KAZN: variants seen among roughly 807,000 people sequenced by gnomAD.
KAZN encodes the protein kazrin, periplakin interacting protein, also known as kazrin.
A neutral mutation model predicts 87.4 loss-of-function variants in KAZN; 40 were observed. The ratio of observed to expected loss-of-function variants is 0.46; its 90% CI spans 0.36 to 0.60. The LOEUF (loss-of-function observed/expected upper bound fraction) is 0.60. KAZN is among the 20% of genes least tolerant of loss of function. The pLI is 0.00. For missense variants in KAZN, 898 were observed against 1,073.9 expected (o/e 0.84, Z 2.29); for synonymous variants, 466 against 458.3 (o/e 1.02, Z -0.22).
intron 1 of KAZN, among the ~76,000 whole-genome samples, chr1:14,681,542 AT>A (rs112193489): frequency 0.012 from 1,593 of 136,634 alleles, 36 homozygotes; most frequent in African/African-American, 0.041. Context: ...CAGTTGCTAC[AT>A]TTTTTTTAAT....
intron 2 of KAZN, among the ~76,000 whole-genome samples, chr1:14,430,212 CCAAAA>C (rs1665970030): frequency 8.1e-6 from 1 of 124,018 alleles, no homozygotes. Flanking sequence ...TGCCCTGCAA[CCAAAA>C]AAAAAAAAAA....
chr1:14,671,363 G>C (rs1041430112), intron 1 of KAZN, among the ~76,000 whole-genome samples: 5 of 152,238 alleles, frequency 3.3e-5, no homozygotes, highest in Admixed American at 1.3e-4. Context: ...TCAGTAAATA[G>C]TAAATGAATG....
At chr1:14,274,427 T>C (rs187508994) in intron 2 of KAZN, among the ~76,000 whole-genome samples, 8 of 152,332 alleles carry the variant, frequency 5.3e-5, no homozygotes, top group Admixed American at 5.2e-4. Flanking sequence ...TCATGAGTTC[T>C]GTTGTTCCCC....
intron 1 of KAZN, among the ~76,000 whole-genome samples, chr1:14,046,399 T>G (rs2101432401): frequency 6.7e-6 from 1 of 149,040 alleles, no homozygotes; most frequent in East Asian, 2.0e-4. Flanking sequence ...TACATACATA[T>G]ATATATAAAT....
chr1:13,921,724 C>T (rs1640075183), intron 1 of KAZN, among the ~76,000 whole-genome samples: 1 of 152,068 alleles, frequency 6.6e-6, no homozygotes, highest in Non-Finnish European at 1.5e-5. Context: ...CTCCCGGGTT[C>T]ATGCCATTCT....
chr1:14,563,829 T>A (rs1490528179), intron 2 of KAZN, among the ~76,000 whole-genome samples: 2 of 151,390 alleles, frequency 1.3e-5, no homozygotes, highest in African/African-American at 4.8e-5. Context: ...GCTACCAACA[T>A]GAGGCCTTTG....
At chr1:14,535,250 C>G (rs559844518) in intron 2 of KAZN, among the ~76,000 whole-genome samples, 2 of 152,336 alleles carry the variant, frequency 1.3e-5, no homozygotes, top group South Asian at 4.1e-4. Flanking sequence ...CAACCCTGAG[C>G]CACCCCTATG....
chr1:15,066,470 G>A lies in KAZN; in HGVS notation c.1222+717G>A. 3 of 985,398 alleles carry A rather than the reference G, an allele frequency of 3.0e-6. No homozygotes were observed. The highest frequency in any genetic ancestry group is 3.6e-6 in the Non-Finnish European group (3 of 829,942). The allele number at this position is 985,398 out of a possible 1,614,324, so 61.0% of individuals were successfully genotyped here. A position where few individuals can be genotyped will look rare whatever the true frequency, so the allele number is the denominator to read the frequency against. On this transcript the variant is annotated intron_variant, in intron 8 of 14. Transcript: ENST00000376030. The surrounding 1 kb of genome is among the most constrained non-coding windows in gnomAD (Gnocchi z 4.3). ...AAAGACTCGCGAGCCGGGCCAAGGG[G>A]CCTTGTCTTGGCTGGGTTTGTCAGA...
intron 2 of KAZN, among the ~76,000 whole-genome samples, chr1:14,413,593 G>GAAAAAAAAAAAAAAAAAAAAAAAAAAAAA (rs1169921344): frequency 1.5e-5 from 1 of 66,094 alleles, no homozygotes. Context: ...CGTCTCAAAA[G>GAAAAAAAAAAAAAAAAAAAAAAAAAAAAA]AAAAAAAAAA....
intron 2 of KAZN, among the ~76,000 whole-genome samples, chr1:14,367,962 C>T (rs886642752): frequency 6.6e-6 from 1 of 152,160 alleles, no homozygotes; most frequent in African/African-American, 2.4e-5. Context: ...ATGTAAGAAG[C>T]CTGAAAGGAG....
At chr1:13,999,831 C>G (rs539180158) in intron 1 of KAZN, among the ~76,000 whole-genome samples, 4 of 152,104 alleles carry the variant, frequency 2.6e-5, no homozygotes, top group Non-Finnish European at 4.4e-5. Context: ...AGAGAAGAAT[C>G]AAATAGACAC....
At chr1:14,537,380 G>A (rs1181425495) in intron 2 of KAZN, among the ~76,000 whole-genome samples, 1 of 152,240 alleles carries the variant, frequency 6.6e-6, no homozygotes, top group East Asian at 1.9e-4. Context: ...ATGGCAATGT[G>A]ACTGGGGAAA....
chr1:14,006,598 A>T (rs897393451), intron 1 of KAZN, among the ~76,000 whole-genome samples: 1 of 152,148 alleles, frequency 6.6e-6, no homozygotes, highest in Admixed American at 6.5e-5. Flanking sequence ...TGAAGAGACT[A>T]TCCTTTCTCC....
chr1:14,360,243 C>A (rs1229012464), intron 2 of KAZN, among the ~76,000 whole-genome samples: 1 of 152,058 alleles, frequency 6.6e-6, no homozygotes, highest in Non-Finnish European at 1.5e-5. Flanking sequence ...GCTATTGATA[C>A]TTGTGTATGA....
intron 2 of KAZN, among the ~76,000 whole-genome samples, chr1:14,524,219 AC>A (rs1671745639): frequency 6.6e-6 from 1 of 151,958 alleles, no homozygotes. Context: ...ACGGGGTTTC[AC>A]CATGCTGGCC....
chr1:14,089,780 G>A (rs1048643945), intron 1 of KAZN, among the ~76,000 whole-genome samples: 1 of 152,108 alleles, frequency 6.6e-6, no homozygotes, highest in African/African-American at 2.4e-5. Context: ...TCTGACTGAA[G>A]AGCTTCAGCC....
chr1:15,015,580 G>C (rs940804279), intron 2 of KAZN, among the ~76,000 whole-genome samples: 1 of 152,164 alleles, frequency 6.6e-6, no homozygotes, highest in Non-Finnish European at 1.5e-5. Context: ...CAGCTGGCAC[G>C]GTTGAGCTGC....
chr1:14,417,646 C>G (rs1018834461), intron 2 of KAZN, among the ~76,000 whole-genome samples: 1 of 152,202 alleles, frequency 6.6e-6, no homozygotes, highest in South Asian at 2.1e-4. Context: ...TAGGAAAGAA[C>G]AGCCTTGGTC....
At chr1:14,176,986 C>T (rs376802733) in intron 1 of KAZN, among the ~76,000 whole-genome samples, 5 of 151,982 alleles carry the variant, frequency 3.3e-5, no homozygotes, top group African/African-American at 2.4e-5. Context: ...GGTGAAACAC[C>T]GTCTCTACTA....
Sources: gnomAD v4.1 joint callset for allele counts (sites outside exome capture counted in the v4.1 genomes callset) on GRCh38, gnomAD v4.1.1 for gene constraint, Gnocchi (gnomAD v3.1) non-coding constraint, MANE v1.5 for transcripts, NCBI Gene and HGNC (gene_info 2026-07-23, HGNC 2026-07-21) for gene names.